LIPG: variants seen among roughly 807,000 people sequenced by gnomAD.
The protein encoded by LIPG is lipase G, endothelial type.
Under a neutral mutation model 51.8 loss-of-function variants are expected in LIPG, and 34 were observed. The ratio of observed to expected loss-of-function variants is 0.66; its 90% CI spans 0.50 to 0.87. LIPG has a LOEUF of 0.87. Among genes scored for constraint, LIPG ranks in the 40% least tolerant of loss-of-function variants. LIPG has a pLI of 0.00. For missense variants in LIPG, 580 were observed against 652.7 expected, an observed-to-expected ratio of 0.89 and a Z score of 1.21; for synonymous variants, 246 against 246.1, an observed-to-expected ratio of 1.00 and a Z score of 0.00.
intron 4 of LIPG, among the ~76,000 whole-genome samples, chr18:49,574,502 C>T (rs1413002417): frequency 1.3e-5 from 2 of 152,170 alleles, no homozygotes; most frequent in Admixed American, 1.3e-4. Flanking sequence ...GTTTTCAAAT[C>T]AAAAGATGGT....
intron 5 of LIPG, among the ~76,000 whole-genome samples, chr18:49,578,172 C>T (rs1371451535): frequency 1.0e-4 from 15 of 147,840 alleles, no homozygotes; most frequent in Admixed American, 9.9e-4. Context: ...CGGAGACGCT[C>T]CTCACCTCCC....
At position 49,590,686 on chromosome 18, in the gene LIPG, C is replaced by T. The variant is rs551677971; in HGVS notation, c.*164C>T. ...CTCCTGTGATGGCTGGGACTCCTCG[C>T]GGGAGGGGACTGCGCTGCTATAGCT... On this transcript the variant is annotated 3_prime_UTR_variant, in exon 10 of 10. Coordinates refer to ENST00000261292, the MANE Select transcript of LIPG (RefSeq NM_006033.4). 1.4e-4 allele frequency: 103 copies of T among 730,626 alleles called. No homozygotes were observed. The African/African-American group carries it at 1.5e-3, about 10-fold the overall frequency. 45.3% of individuals were successfully genotyped at this position (730,626 alleles called of 1,614,324 possible).
intron 3 of LIPG, chr18:49,567,883 T>C (rs1303256515): frequency 4.5e-6 from 2 of 444,774 alleles, no homozygotes; most frequent in African/African-American, 4.0e-5. Flanking sequence ...TGTTTCTTCC[T>C]GATCTTAGAA....
intron 1 of LIPG, among the ~76,000 whole-genome samples, chr18:49,563,245 G>A (rs1465345592): frequency 6.6e-6 from 1 of 152,130 alleles, no homozygotes; most frequent in African/African-American, 2.4e-5. Context: ...TGTATGTGTG[G>A]GAGGGTTACT....
In LIPG at chr18:49,595,184, C is replaced by A. The variant is rs1462956244; in HGVS notation, c.*4662C>A. On this transcript the variant is annotated 3_prime_UTR_variant, in exon 10 of 10. Transcript: ENST00000261292. ...GCTCTCTGATGGCACAGATTTTTAT[C>A]TGGCTTGTTTTCTGCCGTTATCTTA... is the stretch of plus-strand genomic sequence containing the variant. 1.3e-5 allele frequency: 2 copies of A among 152,214 alleles called. No homozygotes were observed. The highest frequency in any genetic ancestry group is 6.5e-5 in the Admixed American group (1 of 15,274). The allele number at this position is 152,214 out of a possible 1,614,324, so 9.4% of individuals were successfully genotyped here. A position where few individuals can be genotyped will look rare whatever the true frequency, so the allele number is the denominator to read the frequency against.
At chr18:49,588,995 G>C (rs141629395) in intron 9 of LIPG, among the ~76,000 whole-genome samples, 1 of 152,112 alleles carries the variant, frequency 6.6e-6, no homozygotes, top group Admixed American at 6.5e-5. Flanking sequence ...ATGAGGAACC[G>C]AGGCTCAGGG....
At chr18:49,577,620 G>A (rs1297953463) in intron 5 of LIPG, among the ~76,000 whole-genome samples, 60 of 145,008 alleles carry the variant, frequency 4.1e-4, no homozygotes, top group African/African-American at 1.5e-3. Context: ...CTCACCTCCC[G>A]GACGGGGCGG....
chr18:49,568,157 G>A (rs531084127), intron 3 of LIPG, among the ~76,000 whole-genome samples: 5 of 152,200 alleles, frequency 3.3e-5, no homozygotes, highest in Admixed American at 2.6e-4. Flanking sequence ...AGCCTCCCGA[G>A]TAACTGAAAC....
At position 49,591,991 on chromosome 18, in the gene LIPG, A is replaced by T. The variant is rs938122865; in HGVS notation, c.*1469A>T. On this transcript the variant is annotated 3_prime_UTR_variant, in exon 10 of 10. Coordinates refer to ENST00000261292, the MANE Select transcript of LIPG (RefSeq NM_006033.4). Reference sequence around the variant, plus strand: ...GACAAACAAGGACTTTTTTTTTTATATAGAGCCATCCATAAAATCCTAAGC... The same window carrying T: ...GACAAACAAGGACTTTTTTTTTTATTTAGAGCCATCCATAAAATCCTAAGC... The T allele has an allele frequency of 2.6e-5, 4 of 151,966 alleles. No individual in the cohort carries two copies. In the East Asian group the frequency reaches 7.7e-4, roughly 29 times the overall value. The allele number at this position is 151,966 out of a possible 1,614,324, so 9.4% of individuals were successfully genotyped here.
Position 49,590,854 on chromosome 18 carries a change from G to A in LIPG, c.*332G>A. 2.3e-6 allele frequency: 1 copy of A among 437,480 alleles called. No homozygotes were observed. Among genetic ancestry groups the A allele is most frequent in the Non-Finnish European group, 4.2e-6 (1 of 235,704 alleles). The allele number at this position is 437,480 out of a possible 1,614,324, so 27.1% of individuals were successfully genotyped here. ...GGTTTCTCAGTTGCTGGGCGAGCCT[G>A]TACTCTGCCTGACGAGGAACGCTGG... On this transcript the variant is annotated 3_prime_UTR_variant, in exon 10 of 10. Transcript: ENST00000261292.
At position 49,565,324 on chromosome 18, in the gene LIPG, C is replaced by G; in HGVS notation, c.105C>G (p.Leu35=). 1 of 1,614,036 alleles carries G rather than the reference C, an allele frequency of 6.2e-7. No individual in the cohort carries two copies. The highest frequency in any genetic ancestry group is 8.5e-7 in the Non-Finnish European group (1 of 1,180,000). ...TCTGTTCTGTCTCCCCAGATAAGCT[C>G]CACAAACCCAAAGCTACACAGACTG... ...FGPEGRLEDK[L]HKPKATQTEV... Residue 35 remains leucine (L), a synonymous_variant, in exon 2 of 10, where the codon CTC becomes CTG. Coordinates refer to ENST00000261292, the MANE Select transcript of LIPG (RefSeq NM_006033.4).
chr18:49,583,877 C>T (rs1234122425), intron 8 of LIPG, 103 bp downstream of exon 8: 3 of 1,048,280 alleles, frequency 2.9e-6, no homozygotes, highest in Non-Finnish European at 4.2e-6. Context: ...CAATCCTTCC[C>T]TCCAGCATGC....
At chr18:49,565,293 C>T (rs570348330) in intron 1 of LIPG, 24 bp from the exon 2 acceptor site, 1 of 1,612,582 alleles carries the variant, frequency 6.2e-7, no homozygotes, top group African/African-American at 1.3e-5. Context: ...CTAGATGCAC[C>T]CACGCTCTGT....
intron 4 of LIPG, among the ~76,000 whole-genome samples, chr18:49,574,784 T>C (rs905311943): frequency 1.3e-5 from 2 of 152,234 alleles, no homozygotes; most frequent in Non-Finnish European, 2.9e-5. Flanking sequence ...GCCTGATGTA[T>C]GGATTCTCAG....
intron 5 of LIPG, among the ~76,000 whole-genome samples, chr18:49,580,828 T>C (rs1022235929): frequency 1.3e-5 from 2 of 152,192 alleles, no homozygotes; most frequent in African/African-American, 4.8e-5. Context: ...ACTTATTATA[T>C]GGGCGTTCTT....
chr18:49,582,286 T>C, intron 6 of LIPG, 76 bp from the exon 7 acceptor site: 2 of 1,591,908 alleles, frequency 1.3e-6, no homozygotes, highest in Admixed American at 3.3e-5. Flanking sequence ...TCTGTGCTGG[T>C]GACTCAGTTT....
intron 4 of LIPG, among the ~76,000 whole-genome samples, chr18:49,572,936 C>A (rs2084678885): frequency 1.3e-5 from 2 of 152,138 alleles, no homozygotes; most frequent in African/African-American, 2.4e-5. Flanking sequence ...GGCAGTTCTC[C>A]CTGTCATTCA....
chr18:49,581,392 C>T (rs1371084923), intron 5 of LIPG, 23 bp from the exon 6 acceptor site: 1 of 1,614,140 alleles, frequency 6.2e-7, no homozygotes, highest in Non-Finnish European at 8.5e-7. Context: ...ATCCTGCATG[C>T]TTTTTATCTC....
rs1255864616 is a variant in LIPG, at chr18:49,593,540, C to G, written c.*3018C>G. On this transcript the variant is annotated 3_prime_UTR_variant, in exon 10 of 10. Transcript: ENST00000261292. ...TGGAACTAGATATCAGTGACTTAGACCAGAGGGAAGCTGATTTCTCTATTG... is the reference window on the plus strand; with the variant it reads ...TGGAACTAGATATCAGTGACTTAGAGCAGAGGGAAGCTGATTTCTCTATTG... 6.6e-6 allele frequency: 1 copy of G among 152,104 alleles called. No individual in the cohort carries two copies. The highest frequency in any genetic ancestry group is 1.5e-5 in the Non-Finnish European group (1 of 68,028). The allele number at this position is 152,104 out of a possible 1,614,324, so 9.4% of individuals were successfully genotyped here.
Sources: gnomAD v4.1 joint callset for allele counts (sites outside exome capture counted in the v4.1 genomes callset) on GRCh38, gnomAD v4.1.1 for gene constraint, MANE v1.5 for transcripts, NCBI Gene and HGNC (gene_info 2026-07-23, HGNC 2026-07-21) for gene names.